The following UNC13C variants were observed in gnomAD, a reference collection of about 807,000 sequenced individuals.
UNC13C encodes the protein unc-13 homolog C.
A neutral mutation model predicts 245.4 loss-of-function variants in UNC13C; 174 were observed. The observed-to-expected ratio is 0.71, with a 90% CI of 0.63 to 0.80. The LOEUF (loss-of-function observed/expected upper bound fraction) is 0.80. Ranked by LOEUF, UNC13C falls within the 30% of genes least tolerant of loss-of-function variation. The pLI is 0.00. For missense variants in UNC13C, 2,829 were observed against 2,602.9 expected, an observed-to-expected ratio of 1.09 and a Z score of -1.89; for synonymous variants, 992 against 895.1, an observed-to-expected ratio of 1.11 and a Z score of -1.93.
chr15:54,141,617 T>G (rs957622442), intron 2 of UNC13C, among the ~76,000 whole-genome samples: 1 of 152,130 alleles, frequency 6.6e-6, no homozygotes, highest in Non-Finnish European at 1.5e-5. Context: ...TCTGGCCAAT[T>G]GATATGTCAT....
At chr15:54,462,422 G>A (rs1891896273) in intron 19 of UNC13C, among the ~76,000 whole-genome samples, 1 of 152,184 alleles carries the variant, frequency 6.6e-6, no homozygotes, top group African/African-American at 2.4e-5. Flanking sequence ...CAAGGTTGGA[G>A]CTGGCTCCCT....
At chr15:54,393,318 T>C in intron 18 of UNC13C, 137 bp downstream of exon 18, 1 of 785,728 alleles carries the variant, frequency 1.3e-6, no homozygotes, top group Non-Finnish European at 1.8e-6. Context: ...TTTTTCAACT[T>C]TTATCAGTAA....
intron 2 of UNC13C, among the ~76,000 whole-genome samples, chr15:54,141,655 A>G (rs1197923048): frequency 2.0e-5 from 3 of 152,046 alleles, no homozygotes; most frequent in Non-Finnish European, 4.4e-5. Flanking sequence ...ATTATTTTAA[A>G]TGATGCTTTG....
chr15:54,186,607 A>G (rs1325834676), intron 4 of UNC13C, among the ~76,000 whole-genome samples: 1 of 151,992 alleles, frequency 6.6e-6, no homozygotes, highest in African/African-American at 2.4e-5. Context: ...TTTTAATATT[A>G]TAACAGAAAA....
At chr15:54,381,414 C>G (rs1407020198) in intron 17 of UNC13C, among the ~76,000 whole-genome samples, 1 of 151,790 alleles carries the variant, frequency 6.6e-6, no homozygotes, top group Admixed American at 6.6e-5. Context: ...TTTTTTTACA[C>G]AAAATTGCTT....
intron 12 of UNC13C, among the ~76,000 whole-genome samples, chr15:54,299,803 G>A (rs753904162): frequency 2.6e-5 from 4 of 152,082 alleles, no homozygotes; most frequent in Non-Finnish European, 5.9e-5. Flanking sequence ...GGAACTTGGC[G>A]ATGTATGGTT....
intron 18 of UNC13C, among the ~76,000 whole-genome samples, chr15:54,410,509 T>C (rs1160861703): frequency 2.0e-5 from 3 of 152,124 alleles, no homozygotes; most frequent in Admixed American, 6.5e-5. Flanking sequence ...CAGTTTTACA[T>C]TGTCTTTAAT....
At chr15:54,481,602 C>G (rs1333254944) in intron 19 of UNC13C, among the ~76,000 whole-genome samples, 1 of 152,072 alleles carries the variant, frequency 6.6e-6, no homozygotes, top group East Asian at 1.9e-4. Context: ...TCTGGTGAGG[C>G]TGGGCTCTCA....
At chr15:54,305,109 G>C (rs1020138549) in intron 13 of UNC13C, among the ~76,000 whole-genome samples, 1 of 152,028 alleles carries the variant, frequency 6.6e-6, no homozygotes, top group African/African-American at 2.4e-5. Flanking sequence ...TTCATAAGAA[G>C]TTCTTGATAC....
intron 4 of UNC13C, among the ~76,000 whole-genome samples, chr15:54,195,134 A>T (rs1271256312): frequency 1.0e-5 from 1 of 99,940 alleles, no homozygotes; most frequent in African/African-American, 3.2e-5. Flanking sequence ...TGGAATTTCA[A>T]TCCCCATGAT....
At position 54,539,328 on chromosome 15, in the gene UNC13C, G is replaced by A. The variant is rs562305359; in HGVS notation, c.5696+6262G>A. On this transcript the variant is annotated intron_variant, in intron 26 of 32. Coordinates refer to ENST00000260323, the MANE Select transcript of UNC13C (RefSeq NM_001080534.3). ...TAGGTATATAGGTAAGTAGATAATA[G>A]GATGTAGGTAGGGAAGTAGGTGCAG... is the stretch of plus-strand genomic sequence containing the variant. Among the ~76,000 whole-genome samples the A allele has an allele frequency of 2.0e-5, 3 of 152,028 alleles. No individual in the cohort carries two copies. The South Asian group carries it at 6.2e-4, about 32-fold the overall frequency.
chr15:54,317,644 G>A (rs1340898408), intron 13 of UNC13C, among the ~76,000 whole-genome samples: 2 of 151,806 alleles, frequency 1.3e-5, no homozygotes, highest in African/African-American at 4.8e-5. Flanking sequence ...TATTTATCAT[G>A]TACAATATGA....
At position 54,019,600 on chromosome 15, in the gene UNC13C, C is replaced by G. The variant is rs369011462; in HGVS notation, c.2983+3714C>G. Among the ~76,000 whole-genome samples the G allele has an allele frequency of 5.9e-5, 9 of 152,128 alleles. No individual in the cohort carries two copies. The South Asian group carries it at 1.9e-3, about 32-fold the overall frequency. On this transcript the variant is annotated intron_variant, in intron 2 of 32. Coordinates refer to ENST00000260323, the MANE Select transcript of UNC13C (RefSeq NM_001080534.3). Reference sequence around the variant, plus strand: ...GTCAGTTTGAAGTATTAATAGTTTTCCTAGCAGAAGACCAAAAATCTTGTT... The same window carrying G: ...GTCAGTTTGAAGTATTAATAGTTTTGCTAGCAGAAGACCAAAAATCTTGTT...
chr15:54,083,002 C>T (rs1411925465), intron 2 of UNC13C, among the ~76,000 whole-genome samples: 1 of 152,094 alleles, frequency 6.6e-6, no homozygotes, highest in Non-Finnish European at 1.5e-5. Flanking sequence ...CAGTAAGACC[C>T]TCCGGAAGAT....
chr15:53,927,351 G>A, the UNC13C span, among the ~76,000 whole-genome samples: 2 of 152,186 alleles, frequency 1.3e-5, no homozygotes, highest in African/African-American at 4.8e-5. Flanking sequence ...TAGGCAAGGA[G>A]AACAGTTGGG....
intron 4 of UNC13C, among the ~76,000 whole-genome samples, chr15:54,184,306 T>G (rs1390523753): frequency 6.6e-6 from 1 of 152,184 alleles, no homozygotes; most frequent in African/African-American, 2.4e-5. Flanking sequence ...AGGGTACGTG[T>G]GCACAACGTG....
At chr15:53,926,874 G>A in the UNC13C span, among the ~76,000 whole-genome samples, 19,851 of 152,142 alleles carry the variant, frequency 0.13, 1,651 homozygotes, top group East Asian at 0.33. Flanking sequence ...ATAGTTTTCC[G>A]TGCCTATAGC....
the UNC13C span, among the ~76,000 whole-genome samples, chr15:53,919,011 G>A: frequency 6.6e-6 from 1 of 152,170 alleles, no homozygotes; most frequent in Non-Finnish European, 1.5e-5. Context: ...TGAAGTATAG[G>A]AAGCTCTATA....
intron 4 of UNC13C, among the ~76,000 whole-genome samples, chr15:54,176,259 T>A (rs1024689055): frequency 6.6e-6 from 1 of 152,228 alleles, no homozygotes; most frequent in African/African-American, 2.4e-5. Context: ...TCTCCCACTT[T>A]TTAGTAGCAT....
Sources: allele counts gnomAD v4.1 joint callset (sites outside exome capture counted in the v4.1 genomes callset), GRCh38; gene constraint gnomAD v4.1.1; transcripts MANE v1.5; gene names NCBI Gene and HGNC (gene_info 2026-07-23, HGNC 2026-07-21).